Variants in UBE2Q2 observed in about 807,000 individuals in gnomAD.
UBE2Q2 encodes the protein ubiquitin conjugating enzyme E2 Q2.
A neutral mutation model predicts 59.9 loss-of-function variants in UBE2Q2; 54 were observed. The ratio of observed to expected loss-of-function variants is 0.90; its 90% CI spans 0.72 to 1.13. UBE2Q2 has a LOEUF of 1.13. Ranked by LOEUF, UBE2Q2 falls within the 50% of genes most tolerant of loss-of-function variation. The pLI, the probability that UBE2Q2 is intolerant of heterozygous loss-of-function variation, is 0.00. For synonymous variants in UBE2Q2, 165 were observed against 155.2 expected, an observed-to-expected ratio of 1.06 and a Z score of -0.47; for missense variants, 433 against 441.9, an observed-to-expected ratio of 0.98 and a Z score of 0.18.
Position 75,843,964 on chromosome 15 carries a change from C to T in UBE2Q2, c.180+118C>T, listed in dbSNP as rs898074351. 49 of 1,407,772 alleles carry T rather than the reference C, an allele frequency of 3.5e-5. No individual in the cohort carries two copies. In the Admixed American group the frequency reaches 7.5e-4, roughly 21 times the overall value. The allele number at this position is 1,407,772 out of a possible 1,614,324, so 87.2% of individuals were successfully genotyped here. A position where few individuals can be genotyped will look rare whatever the true frequency, so the allele number is the denominator to read the frequency against. The stretch of plus-strand genomic sequence containing the variant: ...GCTCCGGCTCCCCGGGCGGGGCAGG[C>T]CCGCCCCTTTCCCCCGCGACTTGCC... On this transcript the variant is annotated intron_variant, in intron 1 of 12. Transcript: ENST00000267938.
intron 12 of UBE2Q2, among the ~76,000 whole-genome samples, chr15:75,898,266 C>T (rs1050919984): frequency 6.6e-6 from 1 of 151,900 alleles, no homozygotes; most frequent in African/African-American, 2.4e-5. Flanking sequence ...ATAGAAAATG[C>T]TGTATTTGAG....
At chr15:75,876,640 T>TC (rs1048870385) in intron 6 of UBE2Q2, among the ~76,000 whole-genome samples, 7 of 151,898 alleles carry the variant, frequency 4.6e-5, no homozygotes, top group African/African-American at 1.5e-4. Flanking sequence ...TTTTTATGAT[T>TC]CCCCCCCATT....
chr15:75,890,414 G>A, intron 9 of UBE2Q2, 21 bp from the exon 10 acceptor site: 3 of 1,578,926 alleles, frequency 1.9e-6, no homozygotes, highest in Non-Finnish European at 2.6e-6. Flanking sequence ...AATTTTGTAT[G>A]ACTCCTTTTT....
intron 4 of UBE2Q2, among the ~76,000 whole-genome samples, chr15:75,869,377 G>A (rs1353696982): frequency 6.6e-6 from 1 of 152,188 alleles, no homozygotes; most frequent in African/African-American, 2.4e-5. Flanking sequence ...GAACATTTTA[G>A]GGACTACTCG....
Position 75,843,489 on chromosome 15 carries a change from C to T in UBE2Q2, c.-178C>T. On this transcript the variant is annotated 5_prime_UTR_variant, in exon 1 of 13. In the 5' UTR this introduces an upstream ATG that the reference lacks. Coordinates refer to ENST00000267938, the MANE Select transcript of UBE2Q2 (RefSeq NM_173469.4). Reference sequence around the variant, plus strand: ...AGGAAGCGCCACCCAGGCCGCCACACGCCGAGGCTTCCGCGCCCCTCGCCA... The same window carrying T: ...AGGAAGCGCCACCCAGGCCGCCACATGCCGAGGCTTCCGCGCCCCTCGCCA... 2 of 295,508 alleles carry T rather than the reference C, an allele frequency of 6.8e-6. No homozygotes were observed. The highest frequency in any genetic ancestry group is 1.2e-5 in the Non-Finnish European group (2 of 171,058). 18.3% of individuals were successfully genotyped at this position (295,508 alleles called of 1,614,324 possible).
Position 75,873,516 on chromosome 15 carries a change from AT to A in UBE2Q2, c.539del (p.Leu180TrpfsTer4), listed in dbSNP as rs996550003. On this transcript the variant is annotated frameshift_variant, in exon 5 of 13. Coordinates refer to ENST00000267938, the MANE Select transcript of UBE2Q2 (RefSeq NM_173469.4). LOFTEE classifies it high-confidence loss of function. ...GAGGATGAAGGAATTGAAAAAGAAAATTTGGCAATATTAGAGAAAATTAGGA... is the reference window on the plus strand; with the variant it reads ...GAGGATGAAGGAATTGAAAAAGAAAATTGGCAATATTAGAGAAAATTAGGA... The part of the protein sequence containing the change: ...KSEDEGIEKE[N>X]LAILEKIRKT... 1 of 1,614,000 alleles carries A rather than the reference AT, an allele frequency of 6.2e-7. No homozygotes were observed. Among genetic ancestry groups the A allele is most frequent in the Non-Finnish European group, 8.5e-7 (1 of 1,179,924 alleles).
At chr15:75,851,639 T>G (rs1896639625) in intron 1 of UBE2Q2, among the ~76,000 whole-genome samples, 2 of 152,186 alleles carry the variant, frequency 1.3e-5, no homozygotes, top group Non-Finnish European at 2.9e-5. Context: ...ATCTCATTTT[T>G]TGAGGAAAAT....
intron 4 of UBE2Q2, among the ~76,000 whole-genome samples, chr15:75,872,579 C>G (rs1897856669): frequency 6.8e-6 from 1 of 147,226 alleles, no homozygotes; most frequent in Non-Finnish European, 1.5e-5. Context: ...CTCTGTCACC[C>G]AGGCTGGAGT....
At chr15:75,880,113 T>G (rs1251519172) in intron 8 of UBE2Q2, among the ~76,000 whole-genome samples, 2 of 139,992 alleles carry the variant, frequency 1.4e-5, no homozygotes, top group Non-Finnish European at 3.1e-5. Context: ...TTTTTTTTTG[T>G]TTGTTTGTTT....
At position 75,884,443 on chromosome 15, in the gene UBE2Q2, G is replaced by A. The variant is rs572394391; in HGVS notation, c.884+1019G>A. ...TTACATGCTTATATATGTGTTTTGG[G>A]GGCTAAAATCCTGTTAAGAATCATT... is the stretch of plus-strand genomic sequence containing the variant. On this transcript the variant is annotated intron_variant, in intron 9 of 12. Coordinates refer to ENST00000267938, the MANE Select transcript of UBE2Q2 (RefSeq NM_173469.4). Among the ~76,000 whole-genome samples, 111 of 152,150 alleles carry A rather than the reference G, an allele frequency of 7.3e-4. 1 individual carries two copies. The highest frequency in any genetic ancestry group is 2.5e-3 in the African/African-American group (105 of 41,486).
chr15:75,870,143 C>T (rs900159898), intron 4 of UBE2Q2, among the ~76,000 whole-genome samples: 1 of 152,140 alleles, frequency 6.6e-6, no homozygotes. Flanking sequence ...TCACGGCTCA[C>T]TGCAACCTCA....
intron 1 of UBE2Q2, chr15:75,844,288 G>A: frequency 1.9e-6 from 3 of 1,542,618 alleles, no homozygotes; most frequent in Non-Finnish European, 8.8e-7. Flanking sequence ...TTTTTCAGTC[G>A]GATTTTCCTT....
chr15:75,852,547 A>G (rs925301968), intron 1 of UBE2Q2, among the ~76,000 whole-genome samples: 2 of 152,214 alleles, frequency 1.3e-5, no homozygotes, highest in Admixed American at 6.5e-5. Context: ...GAGTGAAGAC[A>G]TGTATGTTTC....
At position 75,882,129 on chromosome 15, in the gene UBE2Q2, C is replaced by G. The variant is rs183742620; in HGVS notation, c.826-1237C>G. Reference sequence around the variant, plus strand: ...AATTACAAAGAGGTGATTTTCAACTCAATGTGAGGAAGCGATTTGTAACTA... The same window carrying G: ...AATTACAAAGAGGTGATTTTCAACTGAATGTGAGGAAGCGATTTGTAACTA... On this transcript the variant is annotated intron_variant, in intron 8 of 12. Transcript: ENST00000267938. Among the ~76,000 whole-genome samples the G allele has an allele frequency of 1.2e-3, 189 of 152,248 alleles. 1 individual carries two copies. Among genetic ancestry groups the G allele is most frequent in the African/African-American group, 4.4e-3 (181 of 41,544 alleles).
intron 2 of UBE2Q2, among the ~76,000 whole-genome samples, chr15:75,855,873 G>A: frequency 6.6e-6 from 1 of 152,014 alleles, no homozygotes; most frequent in South Asian, 2.1e-4. Context: ...GTCACTTATC[G>A]CCATGTCTTC....
intron 9 of UBE2Q2, among the ~76,000 whole-genome samples, chr15:75,887,945 A>G (rs1232511509): frequency 6.6e-6 from 1 of 152,220 alleles, no homozygotes; most frequent in Non-Finnish European, 1.5e-5. Context: ...TGCCATCTCA[A>G]TCAGGGTAAA....
At chr15:75,893,704 TG>T (rs752918059) in intron 11 of UBE2Q2, among the ~76,000 whole-genome samples, 2 of 152,244 alleles carry the variant, frequency 1.3e-5, no homozygotes, top group East Asian at 3.9e-4. Context: ...TAAAAACAGT[TG>T]GTACCATACA....
At chr15:75,844,407 T>C in intron 1 of UBE2Q2, 1 of 1,551,566 alleles carries the variant, frequency 6.4e-7, no homozygotes, top group Non-Finnish European at 8.7e-7. Context: ...TCTGGTGCTG[T>C]TTGAGCGACC....
At chr15:75,859,677 T>G (rs571979066) in intron 2 of UBE2Q2, among the ~76,000 whole-genome samples, 14 of 152,322 alleles carry the variant, frequency 9.2e-5, no homozygotes, top group Admixed American at 9.2e-4. Context: ...TTGTAGTGAT[T>G]ATACCCCAAG....
Sources: allele counts gnomAD v4.1 joint callset (sites outside exome capture counted in the v4.1 genomes callset), GRCh38; gene constraint gnomAD v4.1.1; transcripts MANE v1.5; gene names NCBI Gene and HGNC (gene_info 2026-07-23, HGNC 2026-07-21).